DCDC1: variants seen among roughly 807,000 people sequenced by gnomAD.
DCDC1 encodes doublecortin domain-containing protein 1.
In DCDC1, 200 loss-of-function variants were observed where a neutral mutation model predicts 178.3. The ratio of observed to expected loss-of-function variants is 1.12; its 90% confidence interval spans 1.00 to 1.26. DCDC1 has a LOEUF of 1.26. Among genes scored for constraint, DCDC1 ranks in the 50% most tolerant of loss-of-function variants. The probability of loss-of-function intolerance (pLI) is 0.00; values close to 1 mark genes in which losing one functional copy is unlikely to be tolerated. For synonymous variants in DCDC1, 690 were observed against 604.8 expected, an observed-to-expected ratio of 1.14 and a Z score of -2.07; for missense variants, 1,983 against 1,749.2, an observed-to-expected ratio of 1.13 and a Z score of -2.38.
chr11:31,265,605 G>T lies in DCDC1; in HGVS notation c.961-5C>A. 1.5e-6 allele frequency: 2 copies of T among 1,329,170 alleles called. No homozygotes were observed. Among genetic ancestry groups the T allele is most frequent in the South Asian group, 2.3e-5 (1 of 43,458 alleles). 82.3% of individuals were successfully genotyped at this position (1,329,170 alleles called of 1,614,324 possible). The stretch of plus-strand genomic sequence containing the variant: ...TATTGTACAAGTATCTAAAACCTGT[G>T]CAGGAAAAAAAAATTATAAATAATT... On this transcript the variant is annotated splice_region_variant and splice_polypyrimidine_tract_variant and intron_variant, in intron 7 of 38. Transcript: ENST00000684477.
intron 36 of DCDC1, among the ~76,000 whole-genome samples, chr11:30,888,382 T>G (rs889865768): frequency 5.9e-5 from 9 of 152,186 alleles, no homozygotes; most frequent in African/African-American, 1.9e-4. Context: ...ACGTTTTCAG[T>G]ACAATTAGGT....
chr11:31,158,864 A>G (rs1397035434), intron 9 of DCDC1, among the ~76,000 whole-genome samples: 1 of 152,188 alleles, frequency 6.6e-6, no homozygotes, highest in Non-Finnish European at 1.5e-5. Flanking sequence ...CAAAGTGTCA[A>G]AAAATATACA....
intron 20 of DCDC1, among the ~76,000 whole-genome samples, chr11:31,055,487 A>T (rs1955524865): frequency 6.6e-6 from 1 of 152,230 alleles, no homozygotes; most frequent in Non-Finnish European, 1.5e-5. Flanking sequence ...TTGATCCAGC[A>T]ATCGCACTAC....
intron 21 of DCDC1, among the ~76,000 whole-genome samples, chr11:30,946,194 T>C (rs547967732): frequency 2.9e-4 from 44 of 152,308 alleles, no homozygotes; most frequent in African/African-American, 1.0e-3. Context: ...CTTGCCCTAT[T>C]TGGCTACTAG....
chr11:31,149,241 T>C lies in DCDC1; in HGVS notation c.1222-11457A>G, dbSNP rs554914215. ...TTTCCTTTGGGTAAGTACCCAGTAG[T>C]AGTGAGAGGTGAAGCCAGCTGGACT... is the stretch of plus-strand genomic sequence containing the variant. On this transcript the variant is annotated intron_variant, in intron 9 of 38. Coordinates refer to ENST00000684477, the MANE Select transcript of DCDC1 (RefSeq NM_001387274.1). Among the ~76,000 whole-genome samples the C allele has an allele frequency of 5.9e-5, 9 of 152,258 alleles. No individual in the cohort carries two copies. In the South Asian group the frequency reaches 1.9e-3, roughly 32 times the overall value.
chr11:31,354,748 C>T (rs948499456), intron 1 of DCDC1, among the ~76,000 whole-genome samples: 11 of 152,086 alleles, frequency 7.2e-5, no homozygotes, highest in South Asian at 2.1e-4. Flanking sequence ...TTGACTTGAA[C>T]GCTAGACCAA....
intron 1 of DCDC1, among the ~76,000 whole-genome samples, chr11:31,346,463 C>CAAAAAAA (rs377761189): frequency 3.6e-5 from 3 of 83,742 alleles, no homozygotes; most frequent in African/African-American, 1.5e-4. Context: ...GACTCCGTCT[C>CAAAAAAA]AAAAAAAAAA....
In DCDC1 at chr11:30,900,334, CA is replaced by C. The variant is rs758787077; in HGVS notation, c.4663+11del. 3 of 1,499,866 alleles carry C rather than the reference CA, an allele frequency of 2.0e-6. No homozygotes were observed. Among genetic ancestry groups the C allele is most frequent in the Admixed American group, 2.4e-5 (1 of 42,194 alleles). 92.9% of individuals were successfully genotyped at this position (1,499,866 alleles called of 1,614,324 possible). On this transcript the variant is annotated intron_variant, in intron 33 of 38. Coordinates refer to ENST00000684477, the MANE Select transcript of DCDC1 (RefSeq NM_001387274.1). The stretch of plus-strand genomic sequence containing the variant: ...ATACTTGCTTGAAAGAAAGCAAAAA[CA>C]AAAAAGTTACCATTTGGAGGTAGAA...
At chr11:31,171,966 T>G (rs1967299133) in intron 9 of DCDC1, among the ~76,000 whole-genome samples, 2 of 152,182 alleles carry the variant, frequency 1.3e-5, no homozygotes, top group Admixed American at 1.3e-4. Context: ...AAGGAGTTAT[T>G]CTTCTGTGAG....
At chr11:30,963,157 C>G (rs1289253882) in intron 20 of DCDC1, among the ~76,000 whole-genome samples, 1 of 152,078 alleles carries the variant, frequency 6.6e-6, no homozygotes, top group African/African-American at 2.4e-5. Context: ...CTCCCCAGCA[C>G]CACGCTAGGC....
In DCDC1 at chr11:31,087,447, T is replaced by C. The variant is rs10835741; in HGVS notation, c.2237+3946A>G. On this transcript the variant is annotated intron_variant, in intron 17 of 38. Transcript: ENST00000684477. ...AGAGTGGAAGCTGAAGTCATTGATT[T>C]AATATCTTTCTTCTTTTCTTACACA... is the stretch of plus-strand genomic sequence containing the variant. Among the ~76,000 whole-genome samples, 3,550 of 152,186 alleles carry C rather than the reference T, an allele frequency of 0.023. 172 individuals carry two copies. The East Asian group carries it at 0.24, about 10-fold the overall frequency.
At chr11:31,346,967 T>G (rs1485714454) in intron 1 of DCDC1, among the ~76,000 whole-genome samples, 2 of 152,246 alleles carry the variant, frequency 1.3e-5, no homozygotes, top group Non-Finnish European at 2.9e-5. Context: ...TCATAGCATA[T>G]CAGAAATCAC....
At chr11:31,307,556 A>T (rs1335364986) in intron 4 of DCDC1, 83 bp downstream of exon 4, 2 of 1,507,786 alleles carry the variant, frequency 1.3e-6, no homozygotes, top group Non-Finnish European at 1.8e-6. Flanking sequence ...TGTCTGAGAT[A>T]GTCAATTGAA....
chr11:31,302,703 T>C (rs1948194722), intron 6 of DCDC1, among the ~76,000 whole-genome samples: 1 of 152,176 alleles, frequency 6.6e-6, no homozygotes, highest in Non-Finnish European at 1.5e-5. Flanking sequence ...ATGTGATGAA[T>C]AGCTCTCCGG....
At chr11:30,879,746 C>T (rs1048375086) in intron 37 of DCDC1, among the ~76,000 whole-genome samples, 1 of 152,110 alleles carries the variant, frequency 6.6e-6, no homozygotes, top group Non-Finnish European at 1.5e-5. Context: ...CTTCCAGTCA[C>T]AGTTTTTATT....
At chr11:30,959,298 G>C (rs1948951339) in intron 20 of DCDC1, among the ~76,000 whole-genome samples, 1 of 152,100 alleles carries the variant, frequency 6.6e-6, no homozygotes, top group African/African-American at 2.4e-5. Context: ...TATTGTTAGA[G>C]GTGCAAGTGG....
intron 13 of DCDC1, among the ~76,000 whole-genome samples, chr11:31,104,847 G>A (rs1958746592): frequency 6.6e-6 from 1 of 152,112 alleles, no homozygotes; most frequent in Non-Finnish European, 1.5e-5. Flanking sequence ...GGTGAATCTA[G>A]GTGAAAGATA....
intron 20 of DCDC1, among the ~76,000 whole-genome samples, chr11:30,965,861 T>C (rs1949404457): frequency 8.0e-6 from 1 of 124,844 alleles, no homozygotes; most frequent in East Asian, 2.2e-4. Context: ...GTTTGGTTTT[T>C]TGTTCTTGCG....
At chr11:31,303,546 G>T (rs1286228834) in intron 6 of DCDC1, among the ~76,000 whole-genome samples, 1 of 151,966 alleles carries the variant, frequency 6.6e-6, no homozygotes, top group African/African-American at 2.4e-5. Flanking sequence ...GCTGATTTTG[G>T]TGGTTTGAAA....
Sources: allele counts gnomAD v4.1 joint callset (sites outside exome capture counted in the v4.1 genomes callset), GRCh38; gene constraint gnomAD v4.1.1; transcripts MANE v1.5; gene names NCBI Gene and HGNC (gene_info 2026-07-23, HGNC 2026-07-21).